Variants in CPT2 observed in about 807,000 individuals in gnomAD.
The protein encoded by CPT2 is carnitine O-palmitoyltransferase 2, mitochondrial.
CPT2 carries 37 observed loss-of-function variants against 48.6 expected under a neutral mutation model. The observed-to-expected ratio is 0.76, with a 90% CI of 0.59 to 1.00. The LOEUF (loss-of-function observed/expected upper bound fraction) is 1.00, where lower values mean the gene tolerates loss of function less well. Among genes scored for constraint, CPT2 ranks in the 50% least tolerant of loss-of-function variants. The pLI is 0.00. For synonymous variants in CPT2, 319 were observed against 326.9 expected, an observed-to-expected ratio of 0.98 and a Z score of 0.26; for missense variants, 772 against 825.6, an observed-to-expected ratio of 0.94 and a Z score of 0.80.
At position 53,200,714 on chromosome 1, in the gene CPT2, C is replaced by T. The variant is rs1389134827; in HGVS notation, c.153-5C>T. On this transcript the variant is annotated splice_region_variant and splice_polypyrimidine_tract_variant and intron_variant, in intron 1 of 4. Transcript: ENST00000371486. ...AGCCTTACACTGACCCTGCTTTCTC[C>T]CCAGGCTGCCTATTCCCAAACTTGA... The T allele has an allele frequency of 6.2e-7, 1 of 1,612,272 alleles. No individual in the cohort carries two copies.
intron 1 of CPT2, among the ~76,000 whole-genome samples, chr1:53,199,073 G>T (rs988015290): frequency 3.2e-4 from 6 of 18,636 alleles, no homozygotes; most frequent in African/African-American, 1.7e-3. Context: ...TTTTATTTTG[G>T]TTTTTTTGAG....
At position 53,213,677 on chromosome 1, in the gene CPT2, C is replaced by T; in HGVS notation, c.*82C>T. On this transcript the variant is annotated 3_prime_UTR_variant, in exon 5 of 5. Transcript: ENST00000371486. ...GGCATGGTGGCTCATGCCTGTAATC[C>T]CAGCATTTTGAGAGGCTGAGGCGGG... 1 of 1,309,030 alleles carries T rather than the reference C, an allele frequency of 7.6e-7. No homozygotes were observed. 81.1% of individuals were successfully genotyped at this position (1,309,030 alleles called of 1,614,324 possible). A position where few individuals can be genotyped will look rare whatever the true frequency, so the allele number is the denominator to read the frequency against.
At chr1:53,205,898 T>G (rs867177182) in intron 3 of CPT2, among the ~76,000 whole-genome samples, 34 of 152,300 alleles carry the variant, frequency 2.2e-4, no homozygotes, top group African/African-American at 7.2e-4. Context: ...GAAAACCTCG[T>G]CCGGCCGGGT....
chr1:53,198,781 T>A (rs1362273691), intron 1 of CPT2, among the ~76,000 whole-genome samples: 1 of 152,248 alleles, frequency 6.6e-6, no homozygotes, highest in Admixed American at 6.5e-5. Context: ...AAACTCCAGT[T>A]CAAATAGTAC....
In CPT2 at chr1:53,213,321, T is replaced by A; in HGVS notation, c.1703T>A (p.Ile568Asn). 1 of 1,614,240 alleles carries A rather than the reference T, an allele frequency of 6.2e-7. No individual in the cohort carries two copies. The highest frequency in any genetic ancestry group is 1.1e-5 in the South Asian group (1 of 91,078). The change falls in exon 5 of 5, where the codon ATC becomes AAC. Residue 568 changes from isoleucine (I) to asparagine (N), a missense_variant. Physicochemically the swap from Ile to Asn is moderately radical, Grantham distance 149. Coordinates refer to ENST00000371486, the MANE Select transcript of CPT2 (RefSeq NM_000098.3). ...ALRHLAAAKG[I>N]ILPELYLDPA... Reference sequence around the variant, plus strand: ...CGGCATCTGGCAGCAGCCAAAGGGATCATCTTGCCTGAGCTCTACCTGGAC... The same window carrying A: ...CGGCATCTGGCAGCAGCCAAAGGGAACATCTTGCCTGAGCTCTACCTGGAC...
chr1:53,206,760 ACT>A lies in CPT2; in HGVS notation c.341-3253_341-3252del, dbSNP rs1209448271. Reference sequence around the variant, plus strand: ...AACTAATTGGTTTTTGATTTTACAGACTCATAGGCAGAAGGAACTTGCCTTTA... The same window carrying A: ...AACTAATTGGTTTTTGATTTTACAGACATAGGCAGAAGGAACTTGCCTTTA... On this transcript the variant is annotated intron_variant, in intron 3 of 4. Coordinates refer to ENST00000371486, the MANE Select transcript of CPT2 (RefSeq NM_000098.3). 2.0e-5 allele frequency among the ~76,000 whole-genome samples: 3 copies of A among 152,304 alleles called. No individual in the cohort carries two copies. The East Asian group carries it at 5.8e-4, about 29-fold the overall frequency.
intron 3 of CPT2, 113 bp from the exon 4 acceptor site, chr1:53,209,902 C>G (rs1645410363): frequency 3.5e-6 from 3 of 849,408 alleles, no homozygotes; most frequent in Admixed American, 2.1e-5. Context: ...ATTCTTCTCT[C>G]TGGAGGTTGA....
intron 1 of CPT2, among the ~76,000 whole-genome samples, chr1:53,199,479 C>G (rs2062015): frequency 0.46 from 69,729 of 152,144 alleles, 17,316 homozygotes; most frequent in East Asian, 0.72. Flanking sequence ...TGTGAACCAC[C>G]GTGCCCAGCT....
chr1:53,202,598 T>C (rs1196836776), intron 3 of CPT2, 169 bp downstream of exon 3: 14 of 671,218 alleles, frequency 2.1e-5, no homozygotes, highest in Non-Finnish European at 3.8e-5. Flanking sequence ...GTGTTCCTCC[T>C]CTACTGAGGT....
At chr1:53,212,320 C>T (rs2100276577) in intron 4 of CPT2, among the ~76,000 whole-genome samples, 2 of 152,308 alleles carry the variant, frequency 1.3e-5, no homozygotes, top group Admixed American at 1.3e-4. Context: ...GCCTCACCCT[C>T]CCAAAGTGCT....
chr1:53,210,257 G>A lies in CPT2; in HGVS notation c.583G>A (p.Val195Met). ...TITFKRLIRF[V>M]PSSLSWYGAY... is the part of the protein sequence containing the mutation. ...CACCTTCAAGAGACTCATACGCTTT[G>A]TGCCTTCCTCTCTGTCCTGGTATGG... is the stretch of plus-strand genomic sequence containing the variant. Residue 195 changes from valine (V) to methionine (M), a missense_variant, in exon 4 of 5, where the codon GTG becomes ATG. Transcript: ENST00000371486. The A allele has an allele frequency of 1.2e-6, 2 of 1,614,126 alleles. No individual in the cohort carries two copies. The highest frequency in any genetic ancestry group is 1.7e-6 in the Non-Finnish European group (2 of 1,180,028).
rs776645157 is a variant in CPT2, at chr1:53,211,167, G to A, written c.1493G>A (p.Arg498His). Residue 498 changes from arginine (R) to histidine (H), a missense_variant, in exon 4 of 5, where the codon CGC becomes CAC. Physicochemically the swap from Arg to His is conservative, Grantham distance 29. Transcript: ENST00000371486. ...SCSTAAFKHGRTETIRPASVY... is the reference protein window; with the variant it reads ...SCSTAAFKHGHTETIRPASVY... ...AGCACTGCCGCATTCAAGCACGGCC[G>A]CACTGAGACCATCCGCCCGGCCTCC... 6 of 1,610,060 alleles carry A rather than the reference G, an allele frequency of 3.7e-6. No homozygotes were observed. Among genetic ancestry groups the A allele is most frequent in the Non-Finnish European group, 4.2e-6 (5 of 1,177,220 alleles).
chr1:53,198,463 A>G (rs965463639), intron 1 of CPT2, among the ~76,000 whole-genome samples: 1 of 152,260 alleles, frequency 6.6e-6, no homozygotes, highest in Non-Finnish European at 1.5e-5. Context: ...TACACGTGGC[A>G]GGAGGGAGGA....
At chr1:53,209,250 C>T (rs1476352387) in intron 3 of CPT2, 2 of 151,914 alleles carry the variant, frequency 1.3e-5, no homozygotes, top group Non-Finnish European at 2.9e-5. Context: ...GTCCTAGCTA[C>T]TTGGGAGGCT....
rs766004699 is a variant in CPT2, at chr1:53,210,569, T to TGGGCAGAGCTC, written c.896_906dup (p.Arg303GlyfsTer8). ...CCTGACCAGTGAGAACCGAGACATC[T>TGGGCAGAGCTC]GGGCAGAGCTCAGGCAGAAGCTGAT... On this transcript the variant is annotated frameshift_variant, in exon 4 of 5. Transcript: ENST00000371486. LOFTEE classifies it high-confidence loss of function. 1.9e-6 allele frequency: 3 copies of TGGGCAGAGCTC among 1,613,888 alleles called. No homozygotes were observed. The East Asian group carries it at 6.7e-5, about 36-fold the overall frequency.
At position 53,211,100 on chromosome 1, in the gene CPT2, C is replaced by T. The variant is rs1363344014; in HGVS notation, c.1426C>T (p.Leu476=). 3 of 1,614,104 alleles carry T rather than the reference C, an allele frequency of 1.9e-6. No individual in the cohort carries two copies. Among genetic ancestry groups the T allele is most frequent in the Non-Finnish European group, 1.7e-6 (2 of 1,179,982 alleles). ...CCAGCTGGCATTCCAGATGGCCTTC[C>T]TGCGGCAGTACGGGCAGACAGTGGC... The part of the protein sequence containing the change: ...VAQLAFQMAF[L]RQYGQTVATY... Residue 476 remains leucine, a synonymous_variant, in exon 4 of 5, where the codon CTG becomes TTG. Coordinates refer to ENST00000371486, the MANE Select transcript of CPT2 (RefSeq NM_000098.3).
At chr1:53,212,919 A>T (rs1391026084) in intron 4 of CPT2, 12 of 491,162 alleles carry the variant, frequency 2.4e-5, no homozygotes, top group Non-Finnish European at 4.3e-5. Context: ...TTTTAGTTTT[A>T]TTGTAGTTTT....
intron 3 of CPT2, chr1:53,209,241 T>G (rs1251689335): frequency 6.6e-6 from 1 of 152,178 alleles, no homozygotes; most frequent in Non-Finnish European, 1.5e-5. Flanking sequence ...GCATCTGTAG[T>G]CCTAGCTACT....
rs547411632 is a variant in CPT2, at chr1:53,196,868, C to T, written c.-76C>T. The T allele has an allele frequency of 4.0e-6, 6 of 1,501,204 alleles. No individual in the cohort carries two copies. The African/African-American group carries it at 5.7e-5, about 14-fold the overall frequency. 93.0% of individuals were successfully genotyped at this position (1,501,204 alleles called of 1,614,324 possible). ...CCTGACGCAGTGTCTTGGGCGCTAA[C>T]GGCGGCGGCGGCCTTGTGTTTAGAC... On this transcript the variant is annotated 5_prime_UTR_variant, in exon 1 of 5. It adds an upstream start codon to the 5' untranslated region. Transcript: ENST00000371486.
Sources: gnomAD v4.1 joint callset for allele counts (sites outside exome capture counted in the v4.1 genomes callset) on GRCh38, gnomAD v4.1.1 for gene constraint, MANE v1.5 for transcripts, NCBI Gene and HGNC (gene_info 2026-07-23, HGNC 2026-07-21) for gene names.